Variants in SCARA5 observed in about 807,000 individuals in gnomAD.
SCARA5 encodes scavenger receptor class A, member 5 (putative).
In SCARA5, 45 loss-of-function variants were observed where a neutral mutation model predicts 46.3. The observed-to-expected ratio is 0.97, with a 90% CI of 0.76 to 1.24. The LOEUF (loss-of-function observed/expected upper bound fraction) is 1.24. Ranked by LOEUF, SCARA5 falls within the 50% of genes most tolerant of loss-of-function variation. The pLI is 0.00. For synonymous variants in SCARA5, 333 were observed against 306.5 expected, an observed-to-expected ratio of 1.09 and a Z score of -0.90; for missense variants, 680 against 689.0, an observed-to-expected ratio of 0.99 and a Z score of 0.15.
chr8:27,975,625 A>G (rs1323417744), intron 2 of SCARA5, among the ~76,000 whole-genome samples: 1 of 152,210 alleles, frequency 6.6e-6, no homozygotes, highest in East Asian at 1.9e-4. Flanking sequence ...ATGGAGAGAA[A>G]TCCTCATCGA....
intron 2 of SCARA5, among the ~76,000 whole-genome samples, chr8:27,984,216 G>A (rs968932332): frequency 6.6e-6 from 1 of 152,060 alleles, no homozygotes; most frequent in African/African-American, 2.4e-5. Flanking sequence ...GATCAAATCT[G>A]GCTTGAATTT....
chr8:27,875,990 C>T (rs1806718375), intron 8 of SCARA5, among the ~76,000 whole-genome samples: 1 of 152,050 alleles, frequency 6.6e-6, no homozygotes, highest in Non-Finnish European at 1.5e-5. Flanking sequence ...AGAGGGAGAC[C>T]TCATCTCTTA....
At chr8:27,941,322 G>C (rs1807941289) in intron 3 of SCARA5, among the ~76,000 whole-genome samples, 1 of 152,194 alleles carries the variant, frequency 6.6e-6, no homozygotes, top group Non-Finnish European at 1.5e-5. Flanking sequence ...GAGTCCAGAG[G>C]CCTGGGTTTG....
At chr8:27,927,730 T>C (rs1312698545) in intron 3 of SCARA5, among the ~76,000 whole-genome samples, 1 of 152,194 alleles carries the variant, frequency 6.6e-6, no homozygotes, top group Non-Finnish European at 1.5e-5. Context: ...GCTGGATTAG[T>C]AGGTCAAAAG....
At chr8:27,980,389 G>C (rs576167077) in intron 2 of SCARA5, among the ~76,000 whole-genome samples, 1 of 152,212 alleles carries the variant, frequency 6.6e-6, no homozygotes, top group South Asian at 2.1e-4. Flanking sequence ...TCCTCACTGC[G>C]GGCCTCCTTC....
intron 1 of SCARA5, among the ~76,000 whole-genome samples, chr8:27,988,357 C>T (rs780467972): frequency 6.6e-6 from 1 of 152,224 alleles, no homozygotes; most frequent in Non-Finnish European, 1.5e-5. Flanking sequence ...GTCTCTGGGT[C>T]TACGCCATGA....
At chr8:27,914,277 AC>A (rs1320258851) in intron 4 of SCARA5, among the ~76,000 whole-genome samples, 2 of 152,192 alleles carry the variant, frequency 1.3e-5, no homozygotes, top group Non-Finnish European at 2.9e-5. Context: ...TTTATAAATT[AC>A]CCAATCTCAG....
At chr8:27,948,977 G>A (rs1585507954) in intron 3 of SCARA5, among the ~76,000 whole-genome samples, 1 of 152,384 alleles carries the variant, frequency 6.6e-6, no homozygotes, top group Non-Finnish European at 1.5e-5. Context: ...CTGAATGAAC[G>A]AAGCACAAGC....
chr8:27,981,144 GGGGTT>G (rs1337857258), intron 2 of SCARA5, among the ~76,000 whole-genome samples: 2 of 152,170 alleles, frequency 1.3e-5, no homozygotes, highest in East Asian at 3.8e-4. Flanking sequence ...CAATGCCTGT[GGGGTT>G]AGTAACATTA....
chr8:27,968,822 G>A (rs4236676), intron 2 of SCARA5, among the ~76,000 whole-genome samples: 36,322 of 151,978 alleles, frequency 0.24, 4,809 homozygotes, highest in Middle Eastern at 0.36. Flanking sequence ...AATGTGCAAT[G>A]ATGTCTATTT....
intron 7 of SCARA5, among the ~76,000 whole-genome samples, chr8:27,891,965 C>T (rs1284231925): frequency 6.6e-6 from 1 of 152,224 alleles, no homozygotes; most frequent in Non-Finnish European, 1.5e-5. Context: ...TGGCTCTCAA[C>T]AGGCTGGTTG....
chr8:27,930,946 G>A (rs924221915), intron 3 of SCARA5, among the ~76,000 whole-genome samples: 2 of 152,216 alleles, frequency 1.3e-5, no homozygotes, highest in African/African-American at 4.8e-5. Flanking sequence ...GAAGGGATGG[G>A]ACGGAACGCC....
At chr8:27,880,993 A>C (rs920657611) in intron 7 of SCARA5, among the ~76,000 whole-genome samples, 2 of 152,200 alleles carry the variant, frequency 1.3e-5, no homozygotes, top group African/African-American at 4.8e-5. Context: ...AACCACGATG[A>C]GATACTATCT....
intron 2 of SCARA5, among the ~76,000 whole-genome samples, chr8:27,967,758 CA>C (rs1341836315): frequency 6.6e-6 from 1 of 152,076 alleles, no homozygotes; most frequent in African/African-American, 2.4e-5. Context: ...ACTAAAAATA[CA>C]AAAATTAGCT....
chr8:27,988,648 T>C (rs1254329175), intron 1 of SCARA5, among the ~76,000 whole-genome samples: 1 of 152,264 alleles, frequency 6.6e-6, no homozygotes, highest in East Asian at 1.9e-4. Context: ...AATCTGTTTT[T>C]TAAGCCAAAT....
intron 3 of SCARA5, among the ~76,000 whole-genome samples, chr8:27,956,022 T>C (rs1222962991): frequency 2.0e-5 from 3 of 152,268 alleles, no homozygotes; most frequent in East Asian, 1.9e-4. Flanking sequence ...TGATTACACA[T>C]TGGATTTGAG....
At chr8:27,964,337 C>T (rs1231600072) in intron 3 of SCARA5, among the ~76,000 whole-genome samples, 1 of 152,128 alleles carries the variant, frequency 6.6e-6, no homozygotes, top group East Asian at 1.9e-4. Context: ...CGTCCCAATC[C>T]ACCCCAAATT....
chr8:27,908,494 TGA>T (rs922873478), intron 5 of SCARA5, among the ~76,000 whole-genome samples: 14 of 152,230 alleles, frequency 9.2e-5, no homozygotes, highest in African/African-American at 3.4e-4. Flanking sequence ...GCTTGGAATA[TGA>T]GTTGGTTTGC....
chr8:27,910,031 T>C (rs964421098), intron 4 of SCARA5, among the ~76,000 whole-genome samples: 1 of 152,106 alleles, frequency 6.6e-6, no homozygotes, highest in African/African-American at 2.4e-5. Flanking sequence ...CCCAAAACCA[T>C]ATGTGGAATC....
Sources: allele counts gnomAD v4.1 joint callset (sites outside exome capture counted in the v4.1 genomes callset), GRCh38; gene constraint gnomAD v4.1.1; transcripts MANE v1.5; gene names NCBI Gene and HGNC (gene_info 2026-07-23, HGNC 2026-07-21).